DHX36: variants seen among roughly 807,000 people sequenced by gnomAD.
DHX36 encodes DEAH-box helicase 36.
DHX36 carries 50 observed loss-of-function variants against 139.0 expected under a neutral mutation model. That is an observed-to-expected ratio of 0.36 (90% CI 0.29 to 0.46). The LOEUF is 0.46. DHX36 is among the 20% of genes least tolerant of loss of function. The pLI is 1.00. For synonymous variants in DHX36, 425 were observed against 401.9 expected (o/e 1.06, Z -0.69); for missense variants, 1,024 against 1,211.3 (o/e 0.85, Z 2.29).
At position 154,324,474 on chromosome 3, in the gene DHX36, C is replaced by A; in HGVS notation, c.-58G>T. 2.1e-6 allele frequency: 3 copies of A among 1,436,754 alleles called. No individual in the cohort carries two copies. Among genetic ancestry groups the A allele is most frequent in the Non-Finnish European group, 2.7e-6 (3 of 1,098,988 alleles). 89.0% of individuals were successfully genotyped at this position (1,436,754 alleles called of 1,614,324 possible). On this transcript the variant is annotated 5_prime_UTR_variant, in exon 1 of 25. Coordinates refer to ENST00000496811, the MANE Select transcript of DHX36 (RefSeq NM_020865.3). ...CAACCGCTGGAAATGGCGTCCGGGC[C>A]CGGAAGCCACTGTGCGCCCACTTCC...
chr3:154,294,464 T>C (rs576518112), intron 13 of DHX36, among the ~76,000 whole-genome samples: 53 of 152,332 alleles, frequency 3.5e-4, no homozygotes, highest in African/African-American at 1.2e-3. Context: ...TCCCAGGCTA[T>C]TCACATACTC....
At chr3:154,303,557 C>A in intron 8 of DHX36, 147 bp from the exon 9 acceptor site, 1 of 564,494 alleles carries the variant, frequency 1.8e-6, no homozygotes, top group Non-Finnish European at 3.0e-6. Flanking sequence ...TACTTTTCCA[C>A]ACCTACTTTA....
chr3:154,306,356 T>C (rs1712501896), intron 5 of DHX36, 61 bp from the exon 6 acceptor site: 2 of 1,393,866 alleles, frequency 1.4e-6, no homozygotes, highest in South Asian at 1.2e-5. Context: ...ATCCTGAATG[T>C]CCATGAAAAT....
intron 6 of DHX36, 27 bp from the exon 7 acceptor site, chr3:154,305,195 AGC>A: frequency 1.9e-6 from 3 of 1,590,684 alleles, no homozygotes; most frequent in Non-Finnish European, 2.6e-6. Context: ...TGAATTAATA[AGC>A]CTTGGTTTTC....
rs1352832850 is a variant in DHX36, at chr3:154,286,176, A to AC, written c.2032-1190_2032-1189insG. Among the ~76,000 whole-genome samples the AC allele has an allele frequency of 1.1e-3, 137 of 126,590 alleles. 5 individuals are homozygous for AC. Among genetic ancestry groups the AC allele is most frequent in the East Asian group, 9.6e-3 (42 of 4,394 alleles). The allele number at this position is 126,590 out of a possible 152,430, so 83.0% of individuals were successfully genotyped here. ...AGAGCTTCCACACACCAAAAAAAAAAAAAAAAAAAAAAAAAACACCAACAA... is the reference window on the plus strand; with the variant it reads ...AGAGCTTCCACACACCAAAAAAAAAACAAAAAAAAAAAAAAAACACCAACAA... On this transcript the variant is annotated intron_variant, in intron 17 of 24. Coordinates refer to ENST00000496811, the MANE Select transcript of DHX36 (RefSeq NM_020865.3).
At position 154,324,239 on chromosome 3, in the gene DHX36, G is replaced by A; in HGVS notation, c.178C>T (p.Arg60Cys). The change falls in exon 1 of 25, where the codon CGC becomes TGC. Residue 60 changes from arginine to cysteine, a missense_variant. Physicochemically the swap from Arg to Cys is radical, Grantham distance 180 (BLOSUM62 -3). Transcript: ENST00000496811. Reference protein sequence around the residue: ...RGRHPGHLKGREIGMWYAKKQ... With the variant: ...RGRHPGHLKGCEIGMWYAKKQ... The stretch of plus-strand genomic sequence containing the variant: ...TTCGCGTACCACATGCCGATTTCGC[G>A]GCCTTTCAGGTGCCCGGGATGCCGG... 3 of 1,613,250 alleles carry A rather than the reference G, an allele frequency of 1.9e-6. No individual in the cohort carries two copies. The highest frequency in any genetic ancestry group is 2.5e-6 in the Non-Finnish European group (3 of 1,179,620).
intron 2 of DHX36, 41 bp from the exon 3 acceptor site, chr3:154,315,321 CCACT>C (rs1712936435): frequency 1.4e-6 from 2 of 1,427,292 alleles, no homozygotes; most frequent in Non-Finnish European, 9.7e-7. Context: ...GTCAGATGAG[CCACT>C]CAAACACTGG....
intron 14 of DHX36, 73 bp downstream of exon 14, chr3:154,293,675 A>T: frequency 9.2e-7 from 1 of 1,082,160 alleles, no homozygotes; most frequent in Non-Finnish European, 1.4e-6. Context: ...AAAAAAGATT[A>T]AGGTATATAA....
At chr3:154,291,861 A>G (rs919225029) in intron 15 of DHX36, among the ~76,000 whole-genome samples, 3 of 152,238 alleles carry the variant, frequency 2.0e-5, no homozygotes, top group South Asian at 4.1e-4. Context: ...AATATGCATT[A>G]AAGTCCAATT....
intron 17 of DHX36, among the ~76,000 whole-genome samples, chr3:154,287,368 A>G (rs1424440402): frequency 6.6e-6 from 1 of 152,132 alleles, no homozygotes; most frequent in Admixed American, 6.5e-5. Flanking sequence ...AAAATTAGGA[A>G]TTTAGACTGG....
intron 20 of DHX36, 69 bp downstream of exon 20, chr3:154,283,119 G>A: frequency 8.1e-7 from 1 of 1,237,082 alleles, no homozygotes; most frequent in Non-Finnish European, 1.2e-6. Context: ...AGATCTAATT[G>A]TACAAAATGG....
chr3:154,301,278 T>C, intron 9 of DHX36, 151 bp from the exon 10 acceptor site: 1 of 765,848 alleles, frequency 1.3e-6, no homozygotes, highest in Non-Finnish European at 2.0e-6. Flanking sequence ...AATATCAGTT[T>C]GTGTTCATTA....
At chr3:154,309,381 T>C (rs937776694) in intron 5 of DHX36, among the ~76,000 whole-genome samples, 1 of 152,174 alleles carries the variant, frequency 6.6e-6, no homozygotes, top group Non-Finnish European at 1.5e-5. Context: ...TAATCAATTC[T>C]ATAAATATTT....
intron 19 of DHX36, 29 bp from the exon 20 acceptor site, chr3:154,283,300 T>C (rs770273898): frequency 8.1e-6 from 12 of 1,479,902 alleles, no homozygotes; most frequent in Middle Eastern, 1.7e-4. Flanking sequence ...AAGAAATCTA[T>C]ATTTCTCCCG....
At chr3:154,291,858 A>G (rs556549317) in intron 15 of DHX36, among the ~76,000 whole-genome samples, 1 of 152,342 alleles carries the variant, frequency 6.6e-6, no homozygotes, top group East Asian at 1.9e-4. Context: ...TGAAATATGC[A>G]TTAAAGTCCA....
intron 1 of DHX36, 52 bp downstream of exon 1, chr3:154,324,122 G>T: frequency 6.6e-7 from 1 of 1,526,120 alleles, no homozygotes; most frequent in Non-Finnish European, 8.9e-7. Flanking sequence ...CAGCGGGAGA[G>T]AGAAGAAAAC....
Position 154,292,548 on chromosome 3 carries a change from T to C in DHX36, c.1814+3A>G, listed in dbSNP as rs1559949700. On this transcript the variant is annotated splice_donor_region_variant and intron_variant, in intron 15 of 24. Transcript: ENST00000496811. ...AAAGCTTTGGACAGAGTTCCCACCT[T>C]ACCTTCCAGCTCGACCTTTTCTCTG... is the stretch of plus-strand genomic sequence containing the variant. 1.2e-6 allele frequency: 2 copies of C among 1,614,108 alleles called. No homozygotes were observed. Among genetic ancestry groups the C allele is most frequent in the Non-Finnish European group, 1.7e-6 (2 of 1,179,992 alleles).
At chr3:154,322,310 A>G (rs919199770) in intron 1 of DHX36, among the ~76,000 whole-genome samples, 1 of 152,230 alleles carries the variant, frequency 6.6e-6, no homozygotes, top group Non-Finnish European at 1.5e-5. Flanking sequence ...CATGACTTCC[A>G]ATCTGAAGTT....
At chr3:154,312,874 TATATATATATATATATATATATATATAA>T in intron 3 of DHX36, among the ~76,000 whole-genome samples, 1 of 105,268 alleles carries the variant, frequency 9.5e-6, no homozygotes, top group East Asian at 3.5e-4. Flanking sequence ...TATATATATA[TATATATATATATATATATATATATATAA>T]AATAAATAAA....
Sources: allele counts gnomAD v4.1 joint callset (sites outside exome capture counted in the v4.1 genomes callset), GRCh38; gene constraint gnomAD v4.1.1; transcripts MANE v1.5; gene names NCBI Gene and HGNC (gene_info 2026-07-23, HGNC 2026-07-21).